The following RBFOX1 variants were observed in gnomAD, a reference collection of about 807,000 sequenced individuals.
RBFOX1 encodes RNA binding fox-1 homolog 1.
Under a neutral mutation model 57.7 loss-of-function variants are expected in RBFOX1, and 8 were observed. The ratio of observed to expected loss-of-function variants is 0.14; its 90% confidence interval spans 0.08 to 0.25. RBFOX1 has a LOEUF of 0.25. Among genes scored for constraint, RBFOX1 ranks in the 10% least tolerant of loss-of-function variants. The pLI is 1.00. For synonymous variants in RBFOX1, 326 were observed against 222.4 expected (o/e 1.47, Z -4.15); for missense variants, 611 against 548.5 (o/e 1.11, Z -1.14).
At chr16:7,333,323 T>C (rs1340345509) in intron 4 of RBFOX1, among the ~76,000 whole-genome samples, 1 of 152,242 alleles carries the variant, frequency 6.6e-6, no homozygotes, top group Non-Finnish European at 1.5e-5. Flanking sequence ...ATCTGACTGC[T>C]ATTTAACATT....
chr16:6,635,110 T>C (rs1192604878), intron 2 of RBFOX1, among the ~76,000 whole-genome samples: 1 of 92,894 alleles, frequency 1.1e-5, no homozygotes, highest in East Asian at 2.9e-4. Flanking sequence ...TATAAAGTAT[T>C]ATATGTAAGT....
At chr16:5,750,555 C>T (rs902471464) in intron 3 of RBFOX1, among the ~76,000 whole-genome samples, 1 of 152,224 alleles carries the variant, frequency 6.6e-6, no homozygotes, top group Non-Finnish European at 1.5e-5. Context: ...CCTACTCAAG[C>T]CTCAGCAATG....
chr16:6,348,819 A>G (rs1264667444), intron 2 of RBFOX1, among the ~76,000 whole-genome samples: 1 of 152,140 alleles, frequency 6.6e-6, no homozygotes, highest in Non-Finnish European at 1.5e-5. Context: ...CCCCACCTCC[A>G]ACACTGGGGA....
intron 1 of RBFOX1, among the ~76,000 whole-genome samples, chr16:6,291,065 C>T (rs1451013815): frequency 2.0e-5 from 3 of 152,128 alleles, no homozygotes; most frequent in Non-Finnish European, 2.9e-5. Flanking sequence ...CTGATGTTGC[C>T]ATGGCATCTG....
intron 1 of RBFOX1, among the ~76,000 whole-genome samples, chr16:5,415,197 T>C (rs985354071): frequency 2.0e-5 from 3 of 152,202 alleles, no homozygotes; most frequent in Non-Finnish European, 2.9e-5. Context: ...TGCAGTTCTA[T>C]GTGGCTGGGG....
At chr16:5,284,498 CACAA>C (rs946473831) in intron 1 of RBFOX1, among the ~76,000 whole-genome samples, 2 of 151,096 alleles carry the variant, frequency 1.3e-5, no homozygotes, top group East Asian at 1.9e-4. Context: ...ACAAACAAGA[CACAA>C]ACAAACAGTC....
intron 11 of RBFOX1, among the ~76,000 whole-genome samples, chr16:7,637,962 C>T (rs1221834033): frequency 6.6e-6 from 1 of 152,122 alleles, no homozygotes; most frequent in Non-Finnish European, 1.5e-5. Context: ...CCTTTTGGAG[C>T]CTTAAGATCC....
chr16:6,466,084 C>T (rs2095043172), intron 2 of RBFOX1, among the ~76,000 whole-genome samples: 1 of 151,828 alleles, frequency 6.6e-6, no homozygotes, highest in Non-Finnish European at 1.5e-5. Flanking sequence ...TGAAAATTAG[C>T]CAGGTGTGGT....
intron 3 of RBFOX1, among the ~76,000 whole-genome samples, chr16:5,682,834 T>C (rs2050383906): frequency 6.6e-6 from 1 of 152,206 alleles, no homozygotes; most frequent in Non-Finnish European, 1.5e-5. Flanking sequence ...GTGAAATGTA[T>C]TGCTACTTTC....
In RBFOX1 at chr16:6,747,604, C is replaced by A. The variant is rs114305164; in HGVS notation, c.-16+92954C>A. ...TTTTAGTATCTTCTATGGGTCTTCT[C>A]TTTAAACATCTCAGATATTGTCTCT... On this transcript the variant is annotated intron_variant, in intron 3 of 15. Transcript: ENST00000550418. 8.9e-3 allele frequency among the ~76,000 whole-genome samples: 1,350 copies of A among 152,250 alleles called. 30 individuals carry two copies. The highest frequency in any genetic ancestry group is 0.031 in the African/African-American group (1,304 of 41,556).
chr16:7,324,359 C>A (rs1321614420), intron 4 of RBFOX1, among the ~76,000 whole-genome samples: 1 of 151,862 alleles, frequency 6.6e-6, no homozygotes, highest in African/African-American at 2.4e-5. Context: ...CCTCTGTGTC[C>A]AGCTCCTGTA....
chr16:6,787,128 T>C (rs762557524), intron 3 of RBFOX1, among the ~76,000 whole-genome samples: 9 of 152,178 alleles, frequency 5.9e-5, no homozygotes, highest in Admixed American at 3.9e-4. Flanking sequence ...CCTGCCCCAA[T>C]TGAGTGCTCT....
chr16:6,644,029 G>C (rs1669959125), intron 2 of RBFOX1, among the ~76,000 whole-genome samples: 2 of 152,118 alleles, frequency 1.3e-5, no homozygotes, highest in South Asian at 4.1e-4. Flanking sequence ...GGTAGGCTGA[G>C]GCAGGAGAAT....
chr16:7,420,912 CATATATATATAT>C (rs572840849), intron 4 of RBFOX1, among the ~76,000 whole-genome samples: 1 of 141,084 alleles, frequency 7.1e-6, no homozygotes, highest in African/African-American at 2.7e-5. Context: ...CATATATATA[CATATATATATAT>C]ACACATATAT....
At chr16:7,106,270 C>A (rs548770145) in intron 4 of RBFOX1, among the ~76,000 whole-genome samples, 2 of 152,146 alleles carry the variant, frequency 1.3e-5, no homozygotes, top group East Asian at 1.9e-4. Flanking sequence ...TAAACACATA[C>A]GTGAGTTTCC....
intron 3 of RBFOX1, among the ~76,000 whole-genome samples, chr16:7,021,512 TATTTTATAAAATTTATAAA>T (rs893614883): frequency 6.9e-5 from 10 of 145,946 alleles, no homozygotes; most frequent in East Asian, 3.9e-4. Flanking sequence ...ATAAATATTA[TATTTTATAAAATTTATAAA>T]ATTTTATAAA....
At chr16:6,546,967 G>C (rs1007633654) in intron 2 of RBFOX1, among the ~76,000 whole-genome samples, 1 of 152,198 alleles carries the variant, frequency 6.6e-6, no homozygotes, top group Non-Finnish European at 1.5e-5. Context: ...CTTTCAAAAA[G>C]TGAAGTAGGG....
rs116812954 is a variant in RBFOX1 at position 5,865,655 on chromosome 16, C to T, written c.319-1648C>T. On this transcript the variant is annotated intron_variant, in intron 3 of 19. Transcript: ENST00000641259. ...TGGTCAGCTAACTCAGGAAGTCATT[C>T]GTTCTTAAGTCCTTTGTTGGATTCA... Among the ~76,000 whole-genome samples, 559 of 152,286 alleles carry T rather than the reference C, an allele frequency of 3.7e-3. 1 individual carries two copies. Among genetic ancestry groups the T allele is most frequent in the African/African-American group, 0.013 (532 of 41,556 alleles).
intron 3 of RBFOX1, among the ~76,000 whole-genome samples, chr16:7,003,708 CACAA>C (rs1290708377): frequency 2.6e-5 from 4 of 152,006 alleles, no homozygotes; most frequent in Admixed American, 6.6e-5. Context: ...AATTATTAAA[CACAA>C]ACAATGTAAT....
Sources: gnomAD v4.1 joint callset for allele counts (sites outside exome capture counted in the v4.1 genomes callset) on GRCh38, gnomAD v4.1.1 for gene constraint, MANE v1.5 for transcripts, NCBI Gene and HGNC (gene_info 2026-07-23, HGNC 2026-07-21) for gene names.